The following TLN1 variants were observed in gnomAD, a reference collection of about 807,000 sequenced individuals.
TLN1 encodes talin 1, also known as talin-1.
A neutral mutation model predicts 292.3 loss-of-function variants in TLN1; 56 were observed. The ratio of observed to expected loss-of-function variants is 0.19; its 90% CI spans 0.15 to 0.24. TLN1 has a LOEUF of 0.24. Among genes scored for constraint, TLN1 ranks in the 10% least tolerant of loss-of-function variants. The pLI, the probability that TLN1 is intolerant of heterozygous loss-of-function variation, is 1.00. For missense variants in TLN1, 2,433 were observed against 3,248.2 expected, an observed-to-expected ratio of 0.75 and a Z score of 6.10; for synonymous variants, 1,119 against 1,253.7, an observed-to-expected ratio of 0.89 and a Z score of 2.27.
At chr9:35,708,596 TTCCAGAGTTC>T (rs1825606264) in intron 33 of TLN1, 112 bp from the exon 34 acceptor site, 1 of 1,102,692 alleles carries the variant, frequency 9.1e-7, no homozygotes, top group African/African-American at 1.6e-5. Context: ...AGGGCTTATT[TTCCAGAGTTC>T]TCCATGAGTG....
chr9:35,707,906 T>C lies in TLN1; in HGVS notation c.4471-14A>G, dbSNP rs1484955073. The C allele has an allele frequency of 6.2e-7, 1 of 1,612,312 alleles. No individual in the cohort carries two copies. The highest frequency in any genetic ancestry group is 8.5e-7 in the Non-Finnish European group (1 of 1,178,732). ...TGCAGAGAGCACCTGAGGAGACACA[T>C]GGAAGAGCCACGATGAGGGCAGGAA... On this transcript the variant is annotated splice_polypyrimidine_tract_variant and intron_variant, in intron 34 of 56. Coordinates refer to ENST00000314888, the MANE Select transcript of TLN1 (RefSeq NM_006289.4). This position sits in a 1 kb window ranked among gnomAD's most constrained non-coding sequence, Gnocchi z 5.6.
intron 49 of TLN1, 38 bp downstream of exon 49, chr9:35,700,153 C>T (rs2295794): frequency 0.41 from 652,528 of 1,591,796 alleles, 135,618 homozygotes; most frequent in East Asian, 0.54. Flanking sequence ...ATGTTCTGGC[C>T]CAAAGCTGCC....
intron 1 of TLN1, among the ~76,000 whole-genome samples, chr9:35,727,738 C>A (rs1485932276): frequency 3.9e-5 from 6 of 152,216 alleles, no homozygotes; most frequent in Non-Finnish European, 8.8e-5. Flanking sequence ...TGAAAGGACC[C>A]TTCACACTAA....
chr9:35,707,629 A>G lies in TLN1; in HGVS notation c.4632+102T>C, dbSNP rs1825589793. On this transcript the variant is annotated intron_variant, in intron 35 of 56. Transcript: ENST00000314888. The surrounding 1 kb of genome is among the most constrained non-coding windows in gnomAD (Gnocchi z 5.6). The stretch of plus-strand genomic sequence containing the variant: ...GTCTGAATAGAAAGAGCTTGGGCTC[A>G]GGCAGAGGGGATTTGGTAGAAGGCT... 1.2e-5 allele frequency: 19 copies of G among 1,584,244 alleles called. No homozygotes were observed. Among genetic ancestry groups the G allele is most frequent in the Non-Finnish European group, 1.0e-5 (12 of 1,161,208 alleles).
intron 10 of TLN1, 125 bp downstream of exon 10, chr9:35,721,523 C>T (rs1825878846): frequency 1.1e-5 from 12 of 1,076,164 alleles, no homozygotes; most frequent in Non-Finnish European, 1.3e-5. Flanking sequence ...TCTCCATCTA[C>T]TCTAACCTCC....
At position 35,699,182 on chromosome 9, in the gene TLN1, A is replaced by T; in HGVS notation, c.6875-26T>A. On this transcript the variant is annotated intron_variant, in intron 51 of 56. Coordinates refer to ENST00000314888, the MANE Select transcript of TLN1 (RefSeq NM_006289.4). This position sits in a 1 kb window ranked among gnomAD's most constrained non-coding sequence, Gnocchi z 4.0. ...CTGGTGGGATGAAGGAAGAGGAAAG[A>T]GGCTAAGGCAGAGTGGGGAGGTCAA... The T allele has an allele frequency of 6.3e-6, 10 of 1,592,192 alleles. No homozygotes were observed. Among genetic ancestry groups the T allele is most frequent in the Non-Finnish European group, 8.6e-6 (10 of 1,167,428 alleles).
intron 3 of TLN1, 77 bp downstream of exon 3, chr9:35,725,143 TGTGG>T: frequency 6.4e-7 from 1 of 1,550,528 alleles, no homozygotes. Flanking sequence ...AGACAACAGA[TGTGG>T]GTGCTGAAAA....
In TLN1 at chr9:35,717,748, A is replaced by C. The variant is rs1366261106; in HGVS notation, c.2034T>G (p.Ala678=). The part of the protein sequence containing the change: ...LMQLAKAVAS[A]AAALVLKAKS... ...TGGCCTTGAGGACCAGGGCAGCTGC[A>C]GCACTTGCCACAGCTTTGGCGAGCT... Residue 678 remains alanine, a synonymous_variant, in exon 18 of 57, where the codon GCT becomes GCG. Coordinates refer to ENST00000314888, the MANE Select transcript of TLN1 (RefSeq NM_006289.4). The surrounding 1 kb of genome is among the most constrained non-coding windows in gnomAD (Gnocchi z 4.7). 4.3e-6 allele frequency: 7 copies of C among 1,609,982 alleles called. No homozygotes were observed. The South Asian group carries it at 5.5e-5, about 13-fold the overall frequency.
chr9:35,697,283 T>C lies in TLN1; in HGVS notation c.*508A>G, dbSNP rs1408326044. Reference sequence around the variant, plus strand: ...TGGGTGACAGAATTCAACCCCACTGTCTCTCCTACTGCCCTGGGAGAAAAC... The same window carrying C: ...TGGGTGACAGAATTCAACCCCACTGCCTCTCCTACTGCCCTGGGAGAAAAC... On this transcript the variant is annotated 3_prime_UTR_variant, in exon 57 of 57. Transcript: ENST00000314888. 2.0e-5 allele frequency: 3 copies of C among 153,804 alleles called. No individual in the cohort carries two copies. Among genetic ancestry groups the C allele is most frequent in the Non-Finnish European group, 4.3e-5 (3 of 69,190 alleles). The allele number at this position is 153,804 out of a possible 1,614,324, so 9.5% of individuals were successfully genotyped here. A position where few individuals can be genotyped will look rare whatever the true frequency, so the allele number is the denominator to read the frequency against.
At chr9:35,711,919 A>C in intron 28 of TLN1, 86 bp downstream of exon 28, 1 of 1,593,002 alleles carries the variant, frequency 6.3e-7, no homozygotes, top group Admixed American at 1.7e-5. Context: ...CTGGGAAGTC[A>C]GGGTCAAAGG....
At chr9:35,722,834 C>T (rs1825901023) in intron 8 of TLN1, 27 bp downstream of exon 8, 1 of 1,612,172 alleles carries the variant, frequency 6.2e-7, no homozygotes, top group East Asian at 2.2e-5. Flanking sequence ...GCGGTCATCC[C>T]AAATACTTTC....
chr9:35,713,781 A>G (rs545404928), intron 25 of TLN1, among the ~76,000 whole-genome samples, 172 bp downstream of exon 25: 1 of 151,832 alleles, frequency 6.6e-6, no homozygotes, highest in African/African-American at 2.4e-5. Flanking sequence ...AGAAAGAAGG[A>G]AGGAGAGAGA....
Position 35,700,383 on chromosome 9 carries a change from G to A in TLN1, c.6475-7C>T, listed in dbSNP as rs1825444164. 4 of 1,591,634 alleles carry A rather than the reference G, an allele frequency of 2.5e-6. No homozygotes were observed. The highest frequency in any genetic ancestry group is 1.3e-5 in the African/African-American group (1 of 74,366). On this transcript the variant is annotated splice_region_variant and splice_polypyrimidine_tract_variant and intron_variant, in intron 48 of 56. Transcript: ENST00000314888. ...GCTCTGGGGAACAGAAAACCTGTGGGGGCAGAAGAAGAAGAAAGATTTTAC... is the reference window on the plus strand; with the variant it reads ...GCTCTGGGGAACAGAAAACCTGTGGAGGCAGAAGAAGAAGAAAGATTTTAC...
rs1825426582 is a variant in TLN1, at chr9:35,699,520, A to G, written c.6769-59T>C. On this transcript the variant is annotated intron_variant, in intron 50 of 56. Transcript: ENST00000314888. The surrounding 1 kb of genome is among the most constrained non-coding windows in gnomAD (Gnocchi z 4.0). ...CACATCTTAGGGTCTACCCTGATCT[A>G]TGAAATAGGGCAGACCATGGCCCCC... The G allele has an allele frequency of 1.3e-6, 2 of 1,558,996 alleles. No individual in the cohort carries two copies. Among genetic ancestry groups the G allele is most frequent in the Non-Finnish European group, 1.7e-6 (2 of 1,150,852 alleles).
intron 17 of TLN1, among the ~76,000 whole-genome samples, chr9:35,718,045 C>T (rs974598858): frequency 3.9e-5 from 6 of 152,070 alleles, no homozygotes; most frequent in Admixed American, 6.5e-5. Flanking sequence ...TCGATGATGA[C>T]GGGGAGACAA....
Position 35,724,185 on chromosome 9 carries a change from T to C in TLN1, c.654+7A>G. 1 of 1,614,180 alleles carries C rather than the reference T, an allele frequency of 6.2e-7. No homozygotes were observed. Among genetic ancestry groups the C allele is most frequent in the Non-Finnish European group, 8.5e-7 (1 of 1,180,022 alleles). ...CCTGCCCCACCCCAGCCAAGTCCTCTGCATACCTGCACATACAGGAGGTTC... is the reference window on the plus strand; with the variant it reads ...CCTGCCCCACCCCAGCCAAGTCCTCCGCATACCTGCACATACAGGAGGTTC... On this transcript the variant is annotated splice_region_variant and intron_variant, in intron 6 of 56. Transcript: ENST00000314888. The surrounding 1 kb of genome is among the most constrained non-coding windows in gnomAD (Gnocchi z 4.7).
rs764412213 is a variant in TLN1, at chr9:35,710,854, C to T, written c.4146G>A (p.Gln1382=). The T allele has an allele frequency of 9.3e-6, 15 of 1,614,226 alleles. No homozygotes were observed. The highest frequency in any genetic ancestry group is 1.3e-5 in the Non-Finnish European group (15 of 1,180,040). ...TVRELLENPV[Q]PINDMSYFGC... ...CAAAGTAGGACATGTCATTGATGGGCTGGACTGGGTTCTCCAGGAGTTCCC... is the reference window on the plus strand; with the variant it reads ...CAAAGTAGGACATGTCATTGATGGGTTGGACTGGGTTCTCCAGGAGTTCCC... Residue 1382 remains glutamine (Q), a synonymous_variant, in exon 32 of 57, where the codon CAG becomes CAA. Transcript: ENST00000314888.
At position 35,707,540 on chromosome 9, in the gene TLN1, T is replaced by TCC; in HGVS notation, c.4633-53_4633-52insGG. On this transcript the variant is annotated intron_variant, in intron 35 of 56. Coordinates refer to ENST00000314888, the MANE Select transcript of TLN1 (RefSeq NM_006289.4). The surrounding 1 kb of genome is among the most constrained non-coding windows in gnomAD (Gnocchi z 5.6). ...ACTTGGGATGCAGTCATAGGGGGTA[T>TCC]AGGAAGTGAAGTCCAGGTCTCCTTC... The TCC allele has an allele frequency of 1.2e-6, 2 of 1,601,478 alleles. No homozygotes were observed.
Position 35,707,955 on chromosome 9 carries a change from A to G in TLN1, c.4471-63T>C. 1 of 1,579,362 alleles carries G rather than the reference A, an allele frequency of 6.3e-7. No individual in the cohort carries two copies. The highest frequency in any genetic ancestry group is 8.7e-7 in the Non-Finnish European group (1 of 1,156,060). On this transcript the variant is annotated intron_variant, in intron 34 of 56. Transcript: ENST00000314888. This position sits in a 1 kb window ranked among gnomAD's most constrained non-coding sequence, Gnocchi z 5.6. ...AAGGAGGTGTACATACCCAAGGAGG[A>G]GCCATTTTAGGGTCAGGGGATGGAG...
Sources: gnomAD v4.1 joint callset for allele counts (sites outside exome capture counted in the v4.1 genomes callset) on GRCh38, gnomAD v4.1.1 for gene constraint, Gnocchi (gnomAD v3.1) non-coding constraint, MANE v1.5 for transcripts, NCBI Gene and HGNC (gene_info 2026-07-23, HGNC 2026-07-21) for gene names.